ADCY3: variants seen among roughly 807,000 people sequenced by gnomAD.
ADCY3 encodes adenylate cyclase type 3.
Under a neutral mutation model 119.4 loss-of-function variants are expected in ADCY3, and 70 were observed. The ratio of observed to expected loss-of-function variants is 0.59; its 90% CI spans 0.48 to 0.72. The LOEUF (loss-of-function observed/expected upper bound fraction) is 0.72, where lower values mean the gene tolerates loss of function less well. ADCY3 is among the 30% of genes least tolerant of loss of function. The pLI is 0.00. For synonymous variants in ADCY3, 672 were observed against 621.4 expected, an observed-to-expected ratio of 1.08 and a Z score of -1.21; for missense variants, 1,238 against 1,541.6, an observed-to-expected ratio of 0.80 and a Z score of 3.30.
At chr2:24,821,045 C>T (rs1038038845) in intron 20 of ADCY3, 197 bp from the exon 21 acceptor site, 3 of 705,406 alleles carry the variant, frequency 4.3e-6, no homozygotes, top group Non-Finnish European at 4.4e-6. Context: ...GTGTCAGCCG[C>T]CACCCCCCCC....
Position 24,842,648 on chromosome 2 carries a change from G to A in ADCY3, c.826-264C>T, listed in dbSNP as rs1671158925. On this transcript the variant is annotated intron_variant, in intron 3 of 21. Transcript: ENST00000679454. The surrounding 1 kb of genome is among the most constrained non-coding windows in gnomAD (Gnocchi z 4.9). Reference sequence around the variant, plus strand: ...AAACGCAGTGAAGCATCCCAACGTGGCTCTGTGCTCAGCATCCTCGTGCCA... The same window carrying A: ...AAACGCAGTGAAGCATCCCAACGTGACTCTGTGCTCAGCATCCTCGTGCCA... 9 of 457,278 alleles carry A rather than the reference G, an allele frequency of 2.0e-5. No homozygotes were observed. Among genetic ancestry groups the A allele is most frequent in the Non-Finnish European group, 3.2e-5 (8 of 246,814 alleles). 28.3% of individuals were successfully genotyped at this position (457,278 alleles called of 1,614,324 possible).
chr2:24,820,378 T>C, intron 21 of ADCY3: 1 of 1,320,012 alleles, frequency 7.6e-7, no homozygotes, highest in South Asian at 2.2e-5. Flanking sequence ...GTGGCAGCAC[T>C]GTTACCTGGA....
Position 24,842,238 on chromosome 2 carries a change from C to G in ADCY3, c.956+16G>C, listed in dbSNP as rs1389825614. The G allele has an allele frequency of 6.2e-7, 1 of 1,613,820 alleles. No homozygotes were observed. Among genetic ancestry groups the G allele is most frequent in the Non-Finnish European group, 8.5e-7 (1 of 1,179,940 alleles). ...GCCTGCTCTGCCATCAGAGCCCGCG[C>G]CCCGGGCCGGCGTACCTGACGTTCT... On this transcript the variant is annotated intron_variant, in intron 4 of 21. Transcript: ENST00000679454. This position sits in a 1 kb window ranked among gnomAD's most constrained non-coding sequence, Gnocchi z 4.9.
At position 24,918,440 on chromosome 2, in the gene ADCY3, A is replaced by T. The variant is rs781281621; in HGVS notation, c.548T>A (p.Leu183Gln). The T allele has an allele frequency of 1.2e-6, 2 of 1,613,954 alleles. No homozygotes were observed. The highest frequency in any genetic ancestry group is 4.5e-5 in the East Asian group (2 of 44,862). The change falls in exon 2 of 22, where the codon CTG (leucine) becomes CAG (glutamine). Residue 183 changes from leucine to glutamine, a missense_variant. Leu to Gln is a moderately radical substitution (Grantham distance 113). This residue lies in a region of ADCY3 where 227 missense variants were observed against 249.3 expected (regional missense o/e 0.91). Coordinates refer to ENST00000679454, the MANE Select transcript of ADCY3 (RefSeq NM_004036.5). This position sits in a 1 kb window ranked among gnomAD's most constrained non-coding sequence, Gnocchi z 5.4. ...VFFVFSFFIT[L>Q]PLSLSPIVII... ...CACGATGGGGCTGAGGCTGAGGGGC[A>T]GCGTGATGAAGAAGGAGAAGACAAA...
At chr2:24,892,442 A>G (rs1473848806) in intron 2 of ADCY3, among the ~76,000 whole-genome samples, 1 of 152,090 alleles carries the variant, frequency 6.6e-6, no homozygotes, top group Non-Finnish European at 1.5e-5. Flanking sequence ...TAGTAGAGAC[A>G]GGGTTTCACT....
rs913375764 is a variant in ADCY3 at position 24,830,644 on chromosome 2, C to G, written c.2172+65G>C. 74 of 1,314,244 alleles carry G rather than the reference C, an allele frequency of 5.6e-5. 1 individual carries two copies. The South Asian group carries it at 9.3e-4, about 16-fold the overall frequency. The allele number at this position is 1,314,244 out of a possible 1,614,324, so 81.4% of individuals were successfully genotyped here. On this transcript the variant is annotated intron_variant, in intron 13 of 21. Transcript: ENST00000679454. The stretch of plus-strand genomic sequence containing the variant: ...TGGACTGAGAAACTGCTTGTGTGAC[C>G]CAAACAGAAGCCCTTCTCCACTGAG...
chr2:24,863,806 T>G (rs888493759), intron 3 of ADCY3, among the ~76,000 whole-genome samples: 7 of 152,208 alleles, frequency 4.6e-5, no homozygotes, highest in African/African-American at 1.7e-4. Flanking sequence ...CAAATGAGGA[T>G]AAGGCAGGAA....
intron 3 of ADCY3, among the ~76,000 whole-genome samples, chr2:24,843,822 G>A (rs1320204993): frequency 2.6e-5 from 4 of 152,250 alleles, no homozygotes; most frequent in South Asian, 2.1e-4. Flanking sequence ...TAAGCAGTAC[G>A]GAGAGAGAAA....
chr2:24,837,482 G>A (rs138466630), intron 8 of ADCY3, among the ~76,000 whole-genome samples: 74 of 152,254 alleles, frequency 4.9e-4, no homozygotes, highest in African/African-American at 1.6e-3. Flanking sequence ...TAGAATCAGC[G>A]GGGAGTATCA....
chr2:24,834,225 G>A lies in ADCY3; in HGVS notation c.1967+260C>T, dbSNP rs2278484. ...GGTCTCCAGCCTTCTGGAGGCCTCT[G>A]TCCCTCAGCTCTCTTGATCCTGGCC... is the stretch of plus-strand genomic sequence containing the variant. On this transcript the variant is annotated intron_variant, in intron 11 of 21. Coordinates refer to ENST00000679454, the MANE Select transcript of ADCY3 (RefSeq NM_004036.5). The surrounding 1 kb of genome is among the most constrained non-coding windows in gnomAD (Gnocchi z 4.2). 0.037 allele frequency among the ~76,000 whole-genome samples: 5,604 copies of A among 152,312 alleles called. 120 individuals carry two copies. Among genetic ancestry groups the A allele is most frequent in the African/African-American group, 0.063 (2,617 of 41,556 alleles).
chr2:24,903,641 CAG>C (rs2149006568), intron 2 of ADCY3, among the ~76,000 whole-genome samples: 1 of 152,058 alleles, frequency 6.6e-6, no homozygotes, highest in East Asian at 1.9e-4. Context: ...AACTAGTCCT[CAG>C]AGAGTCATCA....
chr2:24,902,369 C>G (rs1046626094), intron 2 of ADCY3, among the ~76,000 whole-genome samples: 3 of 152,134 alleles, frequency 2.0e-5, no homozygotes, highest in African/African-American at 7.2e-5. Flanking sequence ...ACGTGAGCCA[C>G]CTTGCCCAGC....
intron 11 of ADCY3, among the ~76,000 whole-genome samples, 164 bp from the exon 12 acceptor site, chr2:24,831,913 GCC>G (rs1291683100): frequency 1.2e-5 from 1 of 86,132 alleles, no homozygotes; most frequent in African/African-American, 3.9e-5. Context: ...GCGGACAGGG[GCC>G]AGGGGACAGC....
chr2:24,861,094 T>TA, intron 3 of ADCY3, among the ~76,000 whole-genome samples: 1 of 152,092 alleles, frequency 6.6e-6, no homozygotes, highest in Middle Eastern at 3.4e-3. Context: ...GTACTAGAAA[T>TA]ACAAAAATTA....
chr2:24,841,669 T>C lies in ADCY3; in HGVS notation c.957-2A>G. 1 of 1,612,650 alleles carries C rather than the reference T, an allele frequency of 6.2e-7. No homozygotes were observed. The highest frequency in any genetic ancestry group is 8.5e-7 in the Non-Finnish European group (1 of 1,179,288). On this transcript the variant is annotated splice_acceptor_variant, in intron 4 of 21. Transcript: ENST00000679454. LOFTEE classifies it high-confidence loss of function. The surrounding 1 kb of genome is among the most constrained non-coding windows in gnomAD (Gnocchi z 5.8). ...CCCACGATGTCGGCAAAGAGGATGC[T>C]GCATGAGGAAGGAACCGTGGGGGTG...
chr2:24,834,944 C>A lies in ADCY3; in HGVS notation c.1663-8G>T. ...GAATGAGGGGTTGTCGGCCTGTGAGCCAGGGAGGCAGCGTGAGTGGGGCAG... is the reference window on the plus strand; with the variant it reads ...GAATGAGGGGTTGTCGGCCTGTGAGACAGGGAGGCAGCGTGAGTGGGGCAG... On this transcript the variant is annotated splice_region_variant and splice_polypyrimidine_tract_variant and intron_variant, in intron 9 of 21. Transcript: ENST00000679454. The surrounding 1 kb of genome is among the most constrained non-coding windows in gnomAD (Gnocchi z 4.2). 1 of 1,612,156 alleles carries A rather than the reference C, an allele frequency of 6.2e-7. No individual in the cohort carries two copies.
At position 24,859,685 on chromosome 2, in the gene ADCY3, T is replaced by C. The variant is rs549346703; in HGVS notation, c.825+12885A>G. On this transcript the variant is annotated intron_variant, in intron 3 of 21. Transcript: ENST00000679454. ...TCCCAGGAGAGGGGCCTGACGCTTG[T>C]GGTCAATGGGCGGTTCTTCCCTGTA... Among the ~76,000 whole-genome samples, 296 of 152,290 alleles carry C rather than the reference T, an allele frequency of 1.9e-3. 1 individual carries two copies. Among genetic ancestry groups the C allele is most frequent in the African/African-American group, 6.3e-3 (260 of 41,558 alleles).
At chr2:24,870,918 T>C (rs1350544713) in intron 3 of ADCY3, among the ~76,000 whole-genome samples, 2 of 152,102 alleles carry the variant, frequency 1.3e-5, no homozygotes, top group African/African-American at 4.8e-5. Flanking sequence ...GTAGGGTGGA[T>C]AACTTATCTA....
At chr2:24,838,420 G>A (rs1460608980) in intron 8 of ADCY3, 25 bp downstream of exon 8, 1 of 1,544,082 alleles carries the variant, frequency 6.5e-7, no homozygotes, top group Non-Finnish European at 8.7e-7. Flanking sequence ...TGGGTGGGGT[G>A]GGTGGGGTGG....
Sources: allele counts gnomAD v4.1 joint callset (sites outside exome capture counted in the v4.1 genomes callset), GRCh38; gene constraint gnomAD v4.1.1; regional missense constraint gnomAD v4.1.1; non-coding constraint Gnocchi (gnomAD v3.1); transcripts MANE v1.5; gene names NCBI Gene and HGNC (gene_info 2026-07-23, HGNC 2026-07-21).